The following PARP12 variants were observed in gnomAD, a reference collection of about 807,000 sequenced individuals.
The protein encoded by PARP12 is protein mono-ADP-ribosyltransferase PARP12.
PARP12 carries 59 observed loss-of-function variants against 72.4 expected under a neutral mutation model. That is an observed-to-expected ratio of 0.81 (90% CI 0.66 to 1.01). The LOEUF is 1.01. Among genes scored for constraint, PARP12 ranks in the 50% least tolerant of loss-of-function variants. PARP12 has a pLI of 0.00. For missense variants in PARP12, 851 were observed against 914.0 expected (o/e 0.93, Z 0.89); for synonymous variants, 403 against 371.4 (o/e 1.09, Z -0.98).
chr7:140,037,913 C>T (rs895336593), intron 6 of PARP12, 57 bp from the exon 7 acceptor site: 15 of 1,574,874 alleles, frequency 9.5e-6, no homozygotes, highest in Admixed American at 5.1e-5. Context: ...TGAGGAAAAA[C>T]GCTGGTGGCA....
intron 9 of PARP12, 178 bp from the exon 10 acceptor site, chr7:140,027,584 A>C: frequency 1.6e-6 from 1 of 614,178 alleles, no homozygotes; most frequent in Non-Finnish European, 2.7e-6. Context: ...ATGAAATGTC[A>C]TTGATAGGTT....
At chr7:140,027,208 A>G (rs1201465111) in intron 10 of PARP12, 68 bp downstream of exon 10, 2 of 1,573,546 alleles carry the variant, frequency 1.3e-6, no homozygotes, top group African/African-American at 1.4e-5. Context: ...CCCGGGCCAC[A>G]TGTGGCAACC....
chr7:140,028,985 C>T (rs1046247734), intron 8 of PARP12: 1 of 207,784 alleles, frequency 4.8e-6, no homozygotes, highest in African/African-American at 2.4e-5. Flanking sequence ...AGCACACACA[C>T]AGCCATAAAC....
intron 5 of PARP12, among the ~76,000 whole-genome samples, chr7:140,043,023 G>C (rs563757496): frequency 4.6e-5 from 7 of 152,046 alleles, no homozygotes; most frequent in South Asian, 2.1e-4. Flanking sequence ...GTGAAACCCC[G>C]TCTCTACTAA....
chr7:140,033,615 ACAC>A, intron 8 of PARP12: 1 of 985,320 alleles, frequency 1.0e-6, no homozygotes, highest in South Asian at 4.7e-5. Context: ...GCCTAAAATA[ACAC>A]CAGAGGTTGA....
At chr7:140,055,740 T>C (rs952269183) in intron 3 of PARP12, among the ~76,000 whole-genome samples, 1 of 152,210 alleles carries the variant, frequency 6.6e-6, no homozygotes, top group Non-Finnish European at 1.5e-5. Context: ...ATCTATTTAA[T>C]ACAAAACCTG....
chr7:140,057,919 C>T lies in PARP12; in HGVS notation c.442G>A (p.Asp148Asn), dbSNP rs866705301. 1.2e-6 allele frequency: 2 copies of T among 1,614,216 alleles called. No homozygotes were observed. The highest frequency in any genetic ancestry group is 1.1e-5 in the South Asian group (1 of 91,080). ...CTCACTTCTGGCAAAAGCCAGGGGTCGTTCTGAAACAAGAGTTGGCATAGC... is the reference window on the plus strand; with the variant it reads ...CTCACTTCTGGCAAAAGCCAGGGGTTGTTCTGAAACAAGAGTTGGCATAGC... ...NELCQLLFQN[D>N]PWLLPEICQH... Residue 148 changes from aspartate to asparagine, a missense_variant, in exon 2 of 12, where the codon GAC becomes AAC. By Grantham distance (23) the Asp-to-Asn change is conservative. Around this residue, in one of 3 missense-constraint regions of PARP12, gnomAD observed 492 missense variants for 489.3 expected, o/e 1.01. Coordinates refer to ENST00000263549, the MANE Select transcript of PARP12 (RefSeq NM_022750.4).
chr7:140,057,731 G>A, intron 2 of PARP12, 168 bp downstream of exon 2: 1 of 911,182 alleles, frequency 1.1e-6, no homozygotes, highest in Non-Finnish European at 1.6e-6. Context: ...GGCAAAGCTG[G>A]CCCTTGAACT....
At position 140,024,641 on chromosome 7, in the gene PARP12, G is replaced by A. The variant is rs764406995; in HGVS notation, c.2025C>T (p.Ile675=). Residue 675 remains isoleucine (I), a synonymous_variant, in exon 12 of 12, where the codon ATC becomes ATT. Transcript: ENST00000263549. ...EKHQVYPEYV[I]QYTTSSKPSV... is the part of the protein sequence containing the mutation. ...AGGGCTTGGAGGAGGTGGTGTACTGGATGACATACTCTGGGTAGACCTGGT... is the reference window on the plus strand; with the variant it reads ...AGGGCTTGGAGGAGGTGGTGTACTGAATGACATACTCTGGGTAGACCTGGT... 2.5e-6 allele frequency: 4 copies of A among 1,614,182 alleles called. No individual in the cohort carries two copies. The East Asian group carries it at 8.9e-5, about 36-fold the overall frequency.
intron 1 of PARP12, among the ~76,000 whole-genome samples, chr7:140,061,300 C>G (rs1817433039): frequency 1.3e-5 from 2 of 152,302 alleles, no homozygotes; most frequent in African/African-American, 4.8e-5. Flanking sequence ...ACTTGATAAC[C>G]TAGGCTGGCC....
Position 140,026,315 on chromosome 7 carries a change from C to T in PARP12, c.1662G>A (p.Gly554=). The change falls in exon 11 of 12, where the codon GGG becomes GGA. Residue 554 remains glycine, a synonymous_variant. Transcript: ENST00000263549. ...ACAGCTGCCGCTCGTCCACGGCCTT[C>T]CCTCCGTTCTGCTTCTGCATCTGTC... is the stretch of plus-strand genomic sequence containing the variant. The part of the protein sequence containing the change: ...QKGQMQKQNG[G]KAVDERQLFH... 1 of 1,612,696 alleles carries T rather than the reference C, an allele frequency of 6.2e-7. No individual in the cohort carries two copies. The highest frequency in any genetic ancestry group is 8.5e-7 in the Non-Finnish European group (1 of 1,180,004).
At chr7:140,025,039 C>T (rs1815679809) in intron 11 of PARP12, among the ~76,000 whole-genome samples, 154 bp from the exon 12 acceptor site, 2 of 152,182 alleles carry the variant, frequency 1.3e-5, no homozygotes, top group African/African-American at 2.4e-5. Context: ...TCTCCACTCT[C>T]CCTCATGAAG....
At chr7:140,046,158 T>C (rs1398136904) in intron 5 of PARP12, among the ~76,000 whole-genome samples, 2 of 152,190 alleles carry the variant, frequency 1.3e-5, no homozygotes, top group Admixed American at 1.3e-4. Flanking sequence ...AAGATTGGGG[T>C]GGTATGTGAA....
At position 140,062,739 on chromosome 7, in the gene PARP12, C is replaced by T; in HGVS notation, c.109G>A (p.Asp37Asn). The T allele has an allele frequency of 7.3e-7, 1 of 1,368,408 alleles. No individual in the cohort carries two copies. The highest frequency in any genetic ancestry group is 9.5e-7 in the Non-Finnish European group (1 of 1,054,282). The allele number at this position is 1,368,408 out of a possible 1,614,324, so 84.8% of individuals were successfully genotyped here. A position where few individuals can be genotyped will look rare whatever the true frequency, so the allele number is the denominator to read the frequency against. ...TGCCGCAGCAGCCGCTCCAGCGCGTCGGCGCTCAAGCCCATCCGCAAGCGG... is the reference window on the plus strand; with the variant it reads ...TGCCGCAGCAGCCGCTCCAGCGCGTTGGCGCTCAAGCCCATCCGCAAGCGG... Reference protein sequence around the residue: ...RRRLRMGLSADALERLLRQRG... With the variant: ...RRRLRMGLSANALERLLRQRG... The change falls in exon 1 of 12, where the codon GAC (aspartate) becomes AAC (asparagine). Residue 37 changes from aspartate to asparagine, a missense_variant. Asp to Asn is a conservative substitution (Grantham distance 23). This residue lies in a region of PARP12 where 492 missense variants were observed against 489.3 expected (regional missense o/e 1.01). Transcript: ENST00000263549.
intron 4 of PARP12, 145 bp from the exon 5 acceptor site, chr7:140,047,152 G>A: frequency 3.5e-6 from 3 of 863,908 alleles, no homozygotes; most frequent in South Asian, 4.0e-5. Context: ...GTGCCGGCAT[G>A]CCTGAGCATT....
intron 4 of PARP12, among the ~76,000 whole-genome samples, chr7:140,048,940 G>A (rs1816845660): frequency 6.6e-6 from 1 of 152,200 alleles, no homozygotes; most frequent in Middle Eastern, 3.4e-3. Flanking sequence ...GTGTGAGGGC[G>A]ACTTATTTCT....
intron 10 of PARP12, 54 bp downstream of exon 10, chr7:140,027,222 C>A: frequency 6.3e-7 from 1 of 1,589,396 alleles, no homozygotes; most frequent in Non-Finnish European, 8.6e-7. Flanking sequence ...GGCAACCAGC[C>A]AGTGGTGTGA....
At position 140,062,636 on chromosome 7, in the gene PARP12, G is replaced by T; in HGVS notation, c.212C>A (p.Pro71Gln). Reference sequence around the variant, plus strand: ...CTGGTGCGCGCGACACAGGCGCAGCGGCGAGGCGGCCAGCACCACGCGCTC... The same window carrying T: ...CTGGTGCGCGCGACACAGGCGCAGCTGCGAGGCGGCCAGCACCACGCGCTC... Reference protein sequence around the residue: ...APERVVLAASPLRLCRAHQGS... With the variant: ...APERVVLAASQLRLCRAHQGS... Residue 71 changes from proline (P) to glutamine (Q), a missense_variant, in exon 1 of 12, where the codon CCG becomes CAG. Coordinates refer to ENST00000263549, the MANE Select transcript of PARP12 (RefSeq NM_022750.4). The T allele has an allele frequency of 2.0e-6, 3 of 1,478,726 alleles. No individual in the cohort carries two copies. Among genetic ancestry groups the T allele is most frequent in the Middle Eastern group, 2.4e-4 (1 of 4,164 alleles). 91.6% of individuals were successfully genotyped at this position (1,478,726 alleles called of 1,614,324 possible).
intron 7 of PARP12, among the ~76,000 whole-genome samples, chr7:140,036,252 A>G (rs1816193065): frequency 6.6e-6 from 1 of 152,144 alleles, no homozygotes; most frequent in Non-Finnish European, 1.5e-5. Context: ...CTGTTTTGAT[A>G]TTTTCCAGAT....
Sources: allele counts gnomAD v4.1 joint callset (sites outside exome capture counted in the v4.1 genomes callset), GRCh38; gene constraint gnomAD v4.1.1; regional missense constraint gnomAD v4.1.1; transcripts MANE v1.5; gene names NCBI Gene and HGNC (gene_info 2026-07-23, HGNC 2026-07-21).